The following DOK5 variants were observed in gnomAD, a reference collection of about 807,000 sequenced individuals.
The protein encoded by DOK5 is downstream of tyrosine kinase 5.
DOK5 carries 27 observed loss-of-function variants against 43.3 expected under a neutral mutation model. The observed-to-expected ratio is 0.62, with a 90% CI of 0.46 to 0.86. DOK5 has a LOEUF of 0.86. Among genes scored for constraint, DOK5 ranks in the 40% least tolerant of loss-of-function variants. The pLI is 0.00. For missense variants in DOK5, 373 were observed against 392.9 expected (o/e 0.95, Z 0.43); for synonymous variants, 146 against 140.1 (o/e 1.04, Z -0.30).
intron 5 of DOK5, among the ~76,000 whole-genome samples, chr20:54,602,471 T>C (rs1986327021): frequency 6.6e-6 from 1 of 152,180 alleles, no homozygotes. Context: ...GTTAAATAAA[T>C]ATGAGTCTCA....
At chr20:54,478,790 G>GA (rs1981543772) in intron 1 of DOK5, among the ~76,000 whole-genome samples, 1 of 152,134 alleles carries the variant, frequency 6.6e-6, no homozygotes, top group African/African-American at 2.4e-5. Flanking sequence ...AGATATTTGT[G>GA]AAAATGCAAT....
At position 54,521,609 on chromosome 20, in the gene DOK5, A is replaced by G. The variant is rs138613295; in HGVS notation, c.67-33324A>G. Among the ~76,000 whole-genome samples the G allele has an allele frequency of 4.6e-3, 694 of 152,278 alleles. 6 individuals carry two copies. The highest frequency in any genetic ancestry group is 0.016 in the African/African-American group (648 of 41,568). ...AGGGATGCCATCCTCCCAGGATCTC[A>G]GTGTGTTCACCAGTCTGGAAGCTCC... On this transcript the variant is annotated intron_variant, in intron 1 of 7. Coordinates refer to ENST00000262593, the MANE Select transcript of DOK5 (RefSeq NM_018431.5).
At chr20:54,544,130 C>G (rs868222789) in intron 1 of DOK5, among the ~76,000 whole-genome samples, 14 of 152,282 alleles carry the variant, frequency 9.2e-5, no homozygotes, top group African/African-American at 3.4e-4. Context: ...TCATGATTAA[C>G]TAACCCATTT....
rs367665392 is a variant in DOK5, at chr20:54,636,005, G to T, written c.736-7453G>T. On this transcript the variant is annotated intron_variant, in intron 6 of 7. Transcript: ENST00000262593. ...CTGGCATCTTGGAAAAGGCCTTCCT[G>T]TTGTGTCATAACATGGTGGAAAGTA... 2.1e-4 allele frequency among the ~76,000 whole-genome samples: 32 copies of T among 152,336 alleles called. 1 individual carries two copies. Among genetic ancestry groups the T allele is most frequent in the African/African-American group, 7.5e-4 (31 of 41,570 alleles).
intron 1 of DOK5, among the ~76,000 whole-genome samples, chr20:54,501,863 A>G (rs1982621966): frequency 6.6e-6 from 1 of 152,248 alleles, no homozygotes; most frequent in Non-Finnish European, 1.5e-5. Flanking sequence ...CTGAAACTAG[A>G]AAGAAGACAC....
Position 54,650,531 on chromosome 20 carries a change from C to A in DOK5, c.*52C>A. 6.4e-7 allele frequency: 1 copy of A among 1,556,892 alleles called. No individual in the cohort carries two copies. The highest frequency in any genetic ancestry group is 1.1e-5 in the South Asian group (1 of 88,720). ...ACTTGTGATGTGTCAGCCACAGATT[C>A]ACCCAGGAGGTCACAGAATGACAGC... is the stretch of plus-strand genomic sequence containing the variant. On this transcript the variant is annotated 3_prime_UTR_variant, in exon 8 of 8. Coordinates refer to ENST00000262593, the MANE Select transcript of DOK5 (RefSeq NM_018431.5).
At chr20:54,479,173 G>A (rs150347069) in intron 1 of DOK5, among the ~76,000 whole-genome samples, 121 of 152,196 alleles carry the variant, frequency 8.0e-4, no homozygotes, top group African/African-American at 2.7e-3. Context: ...ATCCTAAAGA[G>A]TTTAAATGAT....
At chr20:54,572,826 G>A (rs1985333736) in intron 2 of DOK5, among the ~76,000 whole-genome samples, 1 of 152,118 alleles carries the variant, frequency 6.6e-6, no homozygotes, top group South Asian at 2.1e-4. Flanking sequence ...GCCACTAGTT[G>A]GGAATGGTCC....
chr20:54,536,204 T>TTG (rs1983956881), intron 1 of DOK5, among the ~76,000 whole-genome samples: 3 of 152,180 alleles, frequency 2.0e-5, no homozygotes, highest in Admixed American at 6.5e-5. Context: ...TGTGGAGGCC[T>TTG]AGGGGGTGCT....
At chr20:54,630,121 C>T (rs954722525) in intron 6 of DOK5, among the ~76,000 whole-genome samples, 3 of 152,094 alleles carry the variant, frequency 2.0e-5, no homozygotes, top group Non-Finnish European at 4.4e-5. Context: ...ACTGGGGGTG[C>T]CCAGAGCAAG....
intron 2 of DOK5, among the ~76,000 whole-genome samples, chr20:54,582,026 T>A (rs1193352810): frequency 6.6e-6 from 1 of 151,966 alleles, no homozygotes; most frequent in East Asian, 1.9e-4. Context: ...ATGGTCTTCA[T>A]CATGTTGAAG....
At chr20:54,491,311 A>G (rs1441106115) in intron 1 of DOK5, among the ~76,000 whole-genome samples, 2 of 152,224 alleles carry the variant, frequency 1.3e-5, no homozygotes, top group African/African-American at 4.8e-5. Flanking sequence ...AATAATTGAA[A>G]ACCTGAAATA....
intron 1 of DOK5, 120 bp downstream of exon 1, chr20:54,476,132 T>G: frequency 6.5e-7 from 1 of 1,546,734 alleles, no homozygotes; most frequent in South Asian, 1.2e-5. Flanking sequence ...GCGCGGTGGC[T>G]TTCTCAGCCG....
In DOK5 at chr20:54,589,814, C is replaced by T. The variant is rs147372553; in HGVS notation, c.409+1008C>T. Among the ~76,000 whole-genome samples, 76 of 152,296 alleles carry T rather than the reference C, an allele frequency of 5.0e-4. 1 individual carries two copies. The highest frequency in any genetic ancestry group is 3.4e-3 in the Middle Eastern group (1 of 294). On this transcript the variant is annotated intron_variant, in intron 4 of 7. Transcript: ENST00000262593. Reference sequence around the variant, plus strand: ...TTTACAATCTGTGACTCTTTGGATGCACCATATCTGCCATAACCCATCTCC... The same window carrying T: ...TTTACAATCTGTGACTCTTTGGATGTACCATATCTGCCATAACCCATCTCC...
chr20:54,640,280 C>T (rs878989694), intron 6 of DOK5, among the ~76,000 whole-genome samples: 2 of 152,208 alleles, frequency 1.3e-5, no homozygotes, highest in East Asian at 3.8e-4. Context: ...GGACCTGCGG[C>T]GCTCCAGGTA....
At chr20:54,501,729 T>C (rs1176716747) in intron 1 of DOK5, among the ~76,000 whole-genome samples, 1 of 152,196 alleles carries the variant, frequency 6.6e-6, no homozygotes, top group East Asian at 1.9e-4. Flanking sequence ...CTTTAACTCA[T>C]TTAGGTATTT....
At chr20:54,631,927 G>T (rs1369708915) in intron 6 of DOK5, among the ~76,000 whole-genome samples, 2 of 152,016 alleles carry the variant, frequency 1.3e-5, no homozygotes, top group Non-Finnish European at 2.9e-5. Flanking sequence ...AGCCAAGATT[G>T]CACCATTGCA....
chr20:54,602,374 C>T lies in DOK5; in HGVS notation c.600-8014C>T, dbSNP rs80195691. 4.3e-3 allele frequency among the ~76,000 whole-genome samples: 662 copies of T among 152,278 alleles called. 4 individuals carry two copies. The highest frequency in any genetic ancestry group is 0.015 in the African/African-American group (637 of 41,556). ...GGATTGAGACTTCTTATCTTCCAGA[C>T]ATAGCTCCACATCACCTGGAGCAGG... is the stretch of plus-strand genomic sequence containing the variant. On this transcript the variant is annotated intron_variant, in intron 5 of 7. Transcript: ENST00000262593.
intron 2 of DOK5, among the ~76,000 whole-genome samples, chr20:54,580,521 G>A (rs1297771864): frequency 1.3e-5 from 2 of 151,864 alleles, no homozygotes; most frequent in African/African-American, 4.8e-5. Flanking sequence ...TTATCTTTTA[G>A]GTCTGTGGGG....
Sources: allele counts gnomAD v4.1 joint callset (sites outside exome capture counted in the v4.1 genomes callset), GRCh38; gene constraint gnomAD v4.1.1; transcripts MANE v1.5; gene names NCBI Gene and HGNC (gene_info 2026-07-23, HGNC 2026-07-21).